SLC7A14: variants seen among roughly 807,000 people sequenced by gnomAD.
SLC7A14 encodes the protein solute carrier family 7 member 14.
A neutral mutation model predicts 60.2 loss-of-function variants in SLC7A14; 37 were observed. The ratio of observed to expected loss-of-function variants is 0.61; its 90% confidence interval spans 0.47 to 0.81. SLC7A14 has a LOEUF of 0.81. Among genes scored for constraint, SLC7A14 ranks in the 30% least tolerant of loss-of-function variants. The pLI is 0.00. For missense variants in SLC7A14, 886 were observed against 982.7 expected (o/e 0.90, Z 1.32); for synonymous variants, 399 against 395.8 (o/e 1.01, Z -0.10).
At chr3:170,543,657 CA>C (rs1714086751) in intron 1 of SLC7A14, among the ~76,000 whole-genome samples, 1 of 150,674 alleles carries the variant, frequency 6.6e-6, no homozygotes, top group South Asian at 2.1e-4. Flanking sequence ...AGAAAAAAAA[CA>C]AAAACAAAAA....
intron 1 of SLC7A14, among the ~76,000 whole-genome samples, chr3:170,578,221 A>C (rs1316701929): frequency 6.6e-6 from 1 of 152,268 alleles, no homozygotes; most frequent in Non-Finnish European, 1.5e-5. Context: ...TCCTCACCAC[A>C]TGCAGCCACC....
At chr3:170,488,525 T>C (rs1420723338) in intron 4 of SLC7A14, among the ~76,000 whole-genome samples, 1 of 152,208 alleles carries the variant, frequency 6.6e-6, no homozygotes, top group Non-Finnish European at 1.5e-5. Context: ...TAAGTAGTCC[T>C]GATCAAGAAA....
rs187682253 is a variant in SLC7A14 at position 170,532,187 on chromosome 3, G to T, written c.-152-5099C>A. ...TGGCTGATAGAAGCAGCCCTTTCAC[G>T]TGGTGGGACAGTTAGGATTGCTACA... On this transcript the variant is annotated intron_variant, in intron 1 of 7. Coordinates refer to ENST00000231706, the MANE Select transcript of SLC7A14 (RefSeq NM_020949.3). The surrounding 1 kb of genome is among the most constrained non-coding windows in gnomAD (Gnocchi z 4.0). 5.9e-5 allele frequency among the ~76,000 whole-genome samples: 9 copies of T among 152,238 alleles called. No individual in the cohort carries two copies. The highest frequency in any genetic ancestry group is 2.2e-4 in the African/African-American group (9 of 41,518).
rs1349580576 is a variant in SLC7A14 at position 170,463,677 on chromosome 3, C to A, written c.*3378G>T. 1 of 152,242 alleles carries A rather than the reference C, an allele frequency of 6.6e-6. No individual in the cohort carries two copies. Among genetic ancestry groups the A allele is most frequent in the Non-Finnish European group, 1.5e-5 (1 of 68,084 alleles). 9.4% of individuals were successfully genotyped at this position (152,242 alleles called of 1,614,324 possible). On this transcript the variant is annotated 3_prime_UTR_variant, in exon 8 of 8. Transcript: ENST00000231706. The stretch of plus-strand genomic sequence containing the variant: ...GGATCATAGGCACATGCCACCACAC[C>A]AAGCTCTATTTCCTCTACTTCTTAA...
chr3:170,562,729 C>T (rs1015133273), intron 1 of SLC7A14, among the ~76,000 whole-genome samples: 7 of 152,078 alleles, frequency 4.6e-5, no homozygotes, highest in Non-Finnish European at 1.0e-4. Flanking sequence ...TTAGCTGCAG[C>T]CTTGCTACAA....
At position 170,467,229 on chromosome 3, in the gene SLC7A14, G is replaced by T. The variant is rs146603871; in HGVS notation, c.2142C>A (p.Gly714=). The T allele has an allele frequency of 6.2e-7, 1 of 1,614,212 alleles. No homozygotes were observed. Among genetic ancestry groups the T allele is most frequent in the South Asian group, 1.1e-5 (1 of 91,086 alleles). ...VEEGFSYATE[G]ESQEDWGGPT... is the part of the protein sequence containing the mutation. ...GCCCGCCCCAGTCCTCCTGGCTCTC[G>T]CCCTCTGTGGCGTAGGAGAAACCCT... is the stretch of plus-strand genomic sequence containing the variant. Residue 714 remains glycine (G), a synonymous_variant, in exon 8 of 8, where the codon GGC becomes GGA. Transcript: ENST00000231706.
At chr3:170,551,853 G>T (rs994821169) in intron 1 of SLC7A14, among the ~76,000 whole-genome samples, 1 of 152,058 alleles carries the variant, frequency 6.6e-6, no homozygotes, top group African/African-American at 2.4e-5. Flanking sequence ...CTTTCTTAAA[G>T]ATTTCATTCT....
At position 170,495,919 on chromosome 3, in the gene SLC7A14, C is replaced by T. The variant is rs565081824; in HGVS notation, c.759+2748G>A. 80 of 1,437,800 alleles carry T rather than the reference C, an allele frequency of 5.6e-5. No homozygotes were observed. The African/African-American group carries it at 8.1e-4, about 15-fold the overall frequency. The allele number at this position is 1,437,800 out of a possible 1,614,324, so 89.1% of individuals were successfully genotyped here. The stretch of plus-strand genomic sequence containing the variant: ...GGCTAGGAGAAGCTGAAGCTGGAGG[C>T]GGAGCTTGGCAATATGCAGGGGCTG... On this transcript the variant is annotated intron_variant, in intron 4 of 7. Coordinates refer to ENST00000231706, the MANE Select transcript of SLC7A14 (RefSeq NM_020949.3).
At chr3:170,505,495 C>T (rs1263786514) in intron 2 of SLC7A14, among the ~76,000 whole-genome samples, 1 of 152,176 alleles carries the variant, frequency 6.6e-6, no homozygotes, top group Non-Finnish European at 1.5e-5. Context: ...AGGTAACCAT[C>T]TCTAGTTTTC....
intron 1 of SLC7A14, among the ~76,000 whole-genome samples, chr3:170,547,028 G>A (rs902090975): frequency 1.3e-5 from 2 of 152,178 alleles, no homozygotes; most frequent in Non-Finnish European, 2.9e-5. Context: ...TGGCATCAGA[G>A]ACATCAGAAG....
intron 2 of SLC7A14, among the ~76,000 whole-genome samples, chr3:170,501,822 A>G (rs1426364473): frequency 6.6e-6 from 1 of 152,252 alleles, no homozygotes; most frequent in Non-Finnish European, 1.5e-5. Context: ...TAGGGGGTAG[A>G]TAAAAGATGC....
intron 1 of SLC7A14, among the ~76,000 whole-genome samples, chr3:170,556,837 C>A (rs1318279658): frequency 6.6e-6 from 1 of 152,168 alleles, no homozygotes; most frequent in Non-Finnish European, 1.5e-5. Flanking sequence ...GAAGCCACTT[C>A]ATTGGTTTTT....
intron 6 of SLC7A14, among the ~76,000 whole-genome samples, chr3:170,482,167 A>G (rs1711852933): frequency 6.6e-6 from 1 of 152,154 alleles, no homozygotes; most frequent in South Asian, 2.1e-4. Flanking sequence ...ACTGAATGGC[A>G]TGTGCAATAG....
At chr3:170,569,220 AG>A (rs1167883440) in intron 1 of SLC7A14, among the ~76,000 whole-genome samples, 1 of 152,068 alleles carries the variant, frequency 6.6e-6, no homozygotes, top group Non-Finnish European at 1.5e-5. Flanking sequence ...TTTAGCATGA[AG>A]GGTTGTTGAA....
At chr3:170,483,886 A>G (rs913563987) in intron 5 of SLC7A14, among the ~76,000 whole-genome samples, 3 of 152,220 alleles carry the variant, frequency 2.0e-5, no homozygotes, top group Non-Finnish European at 4.4e-5. Context: ...CCCTGCAACC[A>G]GGGCCTGGCA....
chr3:170,520,450 G>A (rs764093513), intron 2 of SLC7A14, among the ~76,000 whole-genome samples: 8 of 152,158 alleles, frequency 5.3e-5, no homozygotes, highest in Non-Finnish European at 1.0e-4. Context: ...GGACCCAATA[G>A]CAATGGGTCC....
rs186355116 is a variant in SLC7A14 at position 170,516,506 on chromosome 3, C to T, written c.304+10127G>A. On this transcript the variant is annotated intron_variant, in intron 2 of 7. Transcript: ENST00000231706. ...GGGAGGCTGAGGCAGGAGGATAGCT[C>T]GAGGTCAGGAGTTTGAGACCAGCCT... 2.0e-3 allele frequency among the ~76,000 whole-genome samples: 298 copies of T among 150,876 alleles called. 1 individual carries two copies. Among genetic ancestry groups the T allele is most frequent in the African/African-American group, 6.6e-3 (272 of 40,988 alleles).
chr3:170,467,414 A>G, intron 7 of SLC7A14, 37 bp from the exon 8 acceptor site: 1 of 1,207,352 alleles, frequency 8.3e-7, no homozygotes, highest in Non-Finnish European at 1.1e-6. Context: ...TGAATAAGCA[A>G]TTGCTTTGGG....
At chr3:170,573,997 C>A (rs532416900) in intron 1 of SLC7A14, among the ~76,000 whole-genome samples, 24 of 152,176 alleles carry the variant, frequency 1.6e-4, no homozygotes, top group Non-Finnish European at 3.2e-4. Context: ...ACCTGGGGAG[C>A]ATGGCTAGAT....
Sources: allele counts gnomAD v4.1 joint callset (sites outside exome capture counted in the v4.1 genomes callset), GRCh38; gene constraint gnomAD v4.1.1; non-coding constraint Gnocchi (gnomAD v3.1); transcripts MANE v1.5; gene names NCBI Gene and HGNC (gene_info 2026-07-23, HGNC 2026-07-21).